TCF3: variants seen among roughly 807,000 people sequenced by gnomAD.
The protein encoded by TCF3 is transcription factor E2-alpha.
A neutral mutation model predicts 72.3 loss-of-function variants in TCF3; 54 were observed. That is an observed-to-expected ratio of 0.75 (90% CI 0.60 to 0.94). TCF3 has a LOEUF of 0.94. Ranked by LOEUF, TCF3 falls within the 40% of genes least tolerant of loss-of-function variation. TCF3 has a pLI of 0.00. For missense variants in TCF3, 1,078 were observed against 934.4 expected, an observed-to-expected ratio of 1.15 and a Z score of -2.00; for synonymous variants, 525 against 412.6, an observed-to-expected ratio of 1.27 and a Z score of -3.30.
chr19:1,629,178 T>C (rs992174902), intron 5 of TCF3, among the ~76,000 whole-genome samples: 4 of 151,958 alleles, frequency 2.6e-5, no homozygotes, highest in African/African-American at 9.7e-5. Flanking sequence ...CTGCCCTTCC[T>C]GAGCCTCAGT....
intron 6 of TCF3, among the ~76,000 whole-genome samples, chr19:1,626,750 C>T (rs1359378155): frequency 6.6e-6 from 1 of 152,192 alleles, no homozygotes; most frequent in African/African-American, 2.4e-5. Flanking sequence ...GGCGCAGAGC[C>T]TGGCACCCGG....
At chr19:1,651,934 G>A (rs1023249319) in intron 1 of TCF3, among the ~76,000 whole-genome samples, 2 of 150,370 alleles carry the variant, frequency 1.3e-5, no homozygotes, top group African/African-American at 2.4e-5. Flanking sequence ...CTCTACCCGA[G>A]AAAGGGGGCG....
rs769095819 is a variant in TCF3, at chr19:1,613,771, G to A, written c.1822+1514C>T. ...GCACCCGTCCCCTACAGTGAACTCC[G>A]GCTGCCCCAAGATGAGCCCTCCCTG... On this transcript the variant is annotated intron_variant, in intron 18 of 18. Transcript: ENST00000262965. Among the ~76,000 whole-genome samples the A allele has an allele frequency of 3.3e-5, 5 of 151,908 alleles. No individual in the cohort carries two copies. In the East Asian group the frequency reaches 5.8e-4, roughly 18 times the overall value.
In TCF3 at chr19:1,622,183, C is replaced by T. The variant is rs749477103; in HGVS notation, c.693G>A (p.Pro231=). The stretch of plus-strand genomic sequence containing the variant: ...GCATGGGCCCGAAGCCCGCCTGGCC[C>T]GGGGGACTCCAGAGCTCGGCTGAGG... ...LHPSAELWSP[P]GQAGFGPMLG... Residue 231 remains proline (P), a synonymous_variant, in exon 10 of 19, where the codon CCG becomes CCA. Coordinates refer to ENST00000262965, the MANE Select transcript of TCF3 (RefSeq NM_003200.5). 22 of 1,567,544 alleles carry T rather than the reference C, an allele frequency of 1.4e-5. No individual in the cohort carries two copies. The highest frequency in any genetic ancestry group is 3.7e-5 in the Admixed American group (2 of 53,926).
intron 7 of TCF3, 75 bp from the exon 8 acceptor site, chr19:1,624,075 A>T: frequency 6.8e-7 from 1 of 1,462,074 alleles, no homozygotes. Flanking sequence ...TGGAGGAGAG[A>T]CCCTCACAAT....
At chr19:1,618,249 G>A (rs2061752668) in intron 16 of TCF3, among the ~76,000 whole-genome samples, 1 of 152,020 alleles carries the variant, frequency 6.6e-6, no homozygotes, top group Non-Finnish European at 1.5e-5. Flanking sequence ...CACAAATCCT[G>A]TGGGCCCCGC....
At chr19:1,651,779 G>A (rs1253787810) in intron 1 of TCF3, among the ~76,000 whole-genome samples, 1 of 151,772 alleles carries the variant, frequency 6.6e-6, no homozygotes, top group African/African-American at 2.4e-5. Context: ...GCATTAACGC[G>A]GAGCAGATGT....
intron 3 of TCF3, among the ~76,000 whole-genome samples, chr19:1,641,666 T>G (rs2065261177): frequency 6.6e-6 from 1 of 152,156 alleles, no homozygotes; most frequent in Non-Finnish European, 1.5e-5. Flanking sequence ...TTGACTAGGC[T>G]GGTCTTGAAC....
At chr19:1,630,954 AGGT>A (rs1355673514) in intron 5 of TCF3, among the ~76,000 whole-genome samples, 1 of 152,208 alleles carries the variant, frequency 6.6e-6, no homozygotes, top group Non-Finnish European at 1.5e-5. Context: ...TCGCAGCCCC[AGGT>A]GCCTGGAGGA....
chr19:1,627,429 G>A lies in TCF3; in HGVS notation c.299-3C>T. On this transcript the variant is annotated splice_region_variant and splice_polypyrimidine_tract_variant and intron_variant, in intron 5 of 18. Coordinates refer to ENST00000262965, the MANE Select transcript of TCF3 (RefSeq NM_003200.5). ...GGCGCCCCGCTCACCGCTCTTGCCT[G>A]CAAGGGGAGAAGGAAGGTTAGTGGG... The A allele has an allele frequency of 1.2e-6, 2 of 1,611,760 alleles. No homozygotes were observed. Among genetic ancestry groups the A allele is most frequent in the Non-Finnish European group, 1.7e-6 (2 of 1,179,600 alleles).
chr19:1,627,213 C>T, intron 6 of TCF3, 146 bp downstream of exon 6: 1 of 473,832 alleles, frequency 2.1e-6, no homozygotes. Flanking sequence ...CCCACCCAGC[C>T]CACCCTGGCC....
intron 18 of TCF3, chr19:1,612,440 C>A: frequency 6.2e-7 from 1 of 1,606,630 alleles, no homozygotes; most frequent in South Asian, 1.1e-5. Flanking sequence ...ACTGCTGGGT[C>A]ACAGCACCGA....
At chr19:1,636,919 A>C (rs550320724) in intron 3 of TCF3, among the ~76,000 whole-genome samples, 1 of 152,318 alleles carries the variant, frequency 6.6e-6, no homozygotes, top group South Asian at 2.1e-4. Context: ...CTGAGGCTGA[A>C]GAGAATGTGA....
In TCF3 at chr19:1,611,260, A is replaced by T. The variant is rs1009190783; in HGVS notation, c.*447T>A. ...TTAGAAGAATAAGCCAGGTTTCCAC[A>T]GCATCCCCCTTGAGTGATATGTTTC... On this transcript the variant is annotated 3_prime_UTR_variant, in exon 19 of 19. Transcript: ENST00000262965. The T allele has an allele frequency of 1.3e-5, 4 of 314,964 alleles. No homozygotes were observed. Among genetic ancestry groups the T allele is most frequent in the Non-Finnish European group, 1.7e-5 (3 of 173,042 alleles). 19.5% of individuals were successfully genotyped at this position (314,964 alleles called of 1,614,324 possible).
rs1253254973 is a variant in TCF3 at position 1,619,914 on chromosome 19, C to A, written c.1094-61G>T. ...GGCGGGGTGTGAGCATGGCCTGATGCCCATGGGGAGGGATTCATGAACCAC... is the reference window on the plus strand; with the variant it reads ...GGCGGGGTGTGAGCATGGCCTGATGACCATGGGGAGGGATTCATGAACCAC... On this transcript the variant is annotated intron_variant, in intron 13 of 18. Transcript: ENST00000262965. 5 of 1,394,904 alleles carry A rather than the reference C, an allele frequency of 3.6e-6. No individual in the cohort carries two copies. In the African/African-American group the frequency reaches 7.1e-5, roughly 20 times the overall value. The allele number at this position is 1,394,904 out of a possible 1,614,324, so 86.4% of individuals were successfully genotyped here. A position where few individuals can be genotyped will look rare whatever the true frequency, so the allele number is the denominator to read the frequency against.
Sources: gnomAD v4.1 joint callset for allele counts (sites outside exome capture counted in the v4.1 genomes callset) on GRCh38, gnomAD v4.1.1 for gene constraint, MANE v1.5 for transcripts, NCBI Gene and HGNC (gene_info 2026-07-23, HGNC 2026-07-21) for gene names.